Variants in PCDHA10 observed in about 807,000 individuals in gnomAD.
The protein encoded by PCDHA10 is protocadherin alpha 10.
Under a neutral mutation model 61.2 loss-of-function variants are expected in PCDHA10, and 45 were observed. The observed-to-expected ratio is 0.74, with a 90% CI of 0.58 to 0.94. The LOEUF (loss-of-function observed/expected upper bound fraction) is 0.94, where lower values mean the gene tolerates loss of function less well. Ranked by LOEUF, PCDHA10 falls within the 40% of genes least tolerant of loss-of-function variation. The probability of loss-of-function intolerance (pLI) is 0.00; values close to 1 mark genes in which losing one functional copy is unlikely to be tolerated. For missense variants in PCDHA10, 1,278 were observed against 1,236.2 expected (o/e 1.03, Z -0.51); for synonymous variants, 602 against 548.8 (o/e 1.10, Z -1.35).
intron 1 of PCDHA10, chr5:140,871,243 C>G (rs1246479266): frequency 6.2e-7 from 1 of 1,613,862 alleles, no homozygotes; most frequent in African/African-American, 1.3e-5. Context: ...GGTACTCACG[C>G]TGCTGCTGTA....
intron 1 of PCDHA10, among the ~76,000 whole-genome samples, chr5:140,921,566 T>C (rs775027482): frequency 4.6e-5 from 7 of 152,304 alleles, no homozygotes; most frequent in Middle Eastern, 3.4e-3. Flanking sequence ...TATTATGTTA[T>C]AGTAGAGCTC....
chr5:140,896,194 T>G (rs2065426928), intron 1 of PCDHA10, among the ~76,000 whole-genome samples: 2 of 152,244 alleles, frequency 1.3e-5, no homozygotes, highest in Middle Eastern at 3.2e-3. Flanking sequence ...AATAGTGCCA[T>G]GATGAACATA....
intron 3 of PCDHA10, among the ~76,000 whole-genome samples, chr5:140,995,247 A>G (rs1377733694): frequency 6.6e-6 from 1 of 152,186 alleles, no homozygotes; most frequent in Non-Finnish European, 1.5e-5. Context: ...TAAGTAAAAT[A>G]AGGGTACTTG....
Position 140,923,530 on chromosome 5 carries a change from A to G in PCDHA10, c.2389-55419A>G, listed in dbSNP as rs115719485. On this transcript the variant is annotated intron_variant, in intron 1 of 3. Coordinates refer to ENST00000307360, the MANE Select transcript of PCDHA10 (RefSeq NM_018901.4). ...GATGATGAAGTGAGATTCTGTCCCAAAAAAAGGACAAAATGAAATATCAGC... is the reference window on the plus strand; with the variant it reads ...GATGATGAAGTGAGATTCTGTCCCAGAAAAAGGACAAAATGAAATATCAGC... Among the ~76,000 whole-genome samples, 836 of 152,264 alleles carry G rather than the reference A, an allele frequency of 5.5e-3. 5 individuals carry two copies. The highest frequency in any genetic ancestry group is 0.019 in the African/African-American group (794 of 41,534).
At chr5:141,002,684 G>C (rs1432098268) in intron 3 of PCDHA10, among the ~76,000 whole-genome samples, 2 of 152,180 alleles carry the variant, frequency 1.3e-5, no homozygotes, top group Non-Finnish European at 2.9e-5. Context: ...TATACGACGT[G>C]CAGATTTGTT....
At chr5:140,860,393 A>C (rs1463611060) in intron 1 of PCDHA10, 1 of 152,136 alleles carries the variant, frequency 6.6e-6, no homozygotes, top group Non-Finnish European at 1.5e-5. Flanking sequence ...AAATTGAAAA[A>C]AGCAAAAGCA....
chr5:140,968,492 G>A (rs2096250539), intron 1 of PCDHA10: 2 of 1,614,074 alleles, frequency 1.2e-6, no homozygotes, highest in African/African-American at 1.3e-5. Flanking sequence ...GAATGACCAT[G>A]CCCCTCACAT....
chr5:140,860,276 G>T (rs1399451611), intron 1 of PCDHA10: 2 of 151,942 alleles, frequency 1.3e-5, no homozygotes, highest in South Asian at 2.1e-4. Flanking sequence ...TGCTACTTGG[G>T]AGGGTGAGGT....
At chr5:140,861,412 C>T (rs371672031) in intron 1 of PCDHA10, 62 of 474,038 alleles carry the variant, frequency 1.3e-4, no homozygotes, top group African/African-American at 1.1e-3. Flanking sequence ...GAGCTGATAC[C>T]GCGCCTGTTT....
intron 1 of PCDHA10, among the ~76,000 whole-genome samples, chr5:140,923,395 G>A (rs782033907): frequency 6.6e-6 from 1 of 152,240 alleles, no homozygotes; most frequent in South Asian, 2.1e-4. Flanking sequence ...GGGCATGGTG[G>A]TGTGTGCCTA....
At chr5:140,884,410 G>GT in intron 1 of PCDHA10, 1 of 1,614,008 alleles carries the variant, frequency 6.2e-7, no homozygotes, top group Non-Finnish European at 8.5e-7. Context: ...TGGTGCTCAC[G>GT]TTGCTGCTGT....
In PCDHA10 at chr5:141,009,880, C is replaced by G; in HGVS notation, c.2790C>G (p.Asn930Lys). The G allele has an allele frequency of 6.2e-7, 1 of 1,613,788 alleles. No individual in the cohort carries two copies. The highest frequency in any genetic ancestry group is 1.1e-5 in the South Asian group (1 of 91,042). The change falls in exon 4 of 4, where the codon AAC (asparagine) becomes AAG (lysine). Residue 930 changes from asparagine to lysine, a missense_variant. By Grantham distance (94) the Asn-to-Lys change is moderately conservative. Transcript: ENST00000307360. ...TKKKKKKKKGNKTQEKKEKGN... is the reference protein window; with the variant it reads ...TKKKKKKKKGKKTQEKKEKGN... ...AAAAGAAGAAAAAGAAGAAGGGTAA[C>G]AAGACCCAGGAGAAAAAAGAGAAAG...
intron 1 of PCDHA10, among the ~76,000 whole-genome samples, chr5:140,905,531 C>T (rs2071895291): frequency 6.6e-6 from 1 of 151,776 alleles, no homozygotes; most frequent in African/African-American, 2.4e-5. Context: ...TTTTTTGGTT[C>T]CATATGAACT....
chr5:140,943,923 C>A (rs1454812803), intron 1 of PCDHA10, among the ~76,000 whole-genome samples: 1 of 152,162 alleles, frequency 6.6e-6, no homozygotes, highest in Non-Finnish European at 1.5e-5. Flanking sequence ...GCATGAGCAG[C>A]TTTAGAAGTG....
chr5:140,862,988 C>A (rs1554157382), intron 1 of PCDHA10: 6 of 546,930 alleles, frequency 1.1e-5, no homozygotes, highest in Non-Finnish European at 2.2e-5. Context: ...GGCGAAGGTG[C>A]GCACGGTGGA....
chr5:140,939,565 A>G (rs560033193), intron 1 of PCDHA10, among the ~76,000 whole-genome samples: 24 of 152,096 alleles, frequency 1.6e-4, no homozygotes, highest in African/African-American at 5.8e-4. Flanking sequence ...TAGTTTGGTT[A>G]ATCAAAATGG....
chr5:140,969,069 T>G, intron 1 of PCDHA10: 1 of 1,614,160 alleles, frequency 6.2e-7, no homozygotes, highest in Non-Finnish European at 8.5e-7. Flanking sequence ...GATGCCAGGA[T>G]ACCGCATGGC....
intron 1 of PCDHA10, chr5:140,877,398 T>C: frequency 1.2e-6 from 2 of 1,613,870 alleles, no homozygotes; most frequent in Middle Eastern, 1.6e-4. Flanking sequence ...AGGCGGACGC[T>C]CCGCGCCACC....
At chr5:140,895,660 A>G (rs2065094898) in intron 1 of PCDHA10, among the ~76,000 whole-genome samples, 6 of 152,160 alleles carry the variant, frequency 3.9e-5, no homozygotes, top group Admixed American at 3.9e-4. Context: ...CTTATAAGTG[A>G]GAACATGTAG....
Sources: gnomAD v4.1 joint callset for allele counts (sites outside exome capture counted in the v4.1 genomes callset) on GRCh38, gnomAD v4.1.1 for gene constraint, MANE v1.5 for transcripts, NCBI Gene and HGNC (gene_info 2026-07-23, HGNC 2026-07-21) for gene names.